Variants in DNAH11 observed in about 807,000 individuals in gnomAD.
DNAH11 encodes the protein dynein axonemal heavy chain 11.
DNAH11 carries 442 observed loss-of-function variants against 526.0 expected under a neutral mutation model. The ratio of observed to expected loss-of-function variants is 0.84; its 90% CI spans 0.78 to 0.91. The LOEUF (loss-of-function observed/expected upper bound fraction) is 0.91. Among genes scored for constraint, DNAH11 ranks in the 40% least tolerant of loss-of-function variants. The pLI is 0.00. For synonymous variants in DNAH11, 2,461 were observed against 1,935.9 expected (o/e 1.27, Z -7.12); for missense variants, 6,989 against 5,448.7 (o/e 1.28, Z -8.90).
chr7:21,560,714 T>A (rs750418594), intron 4 of DNAH11, among the ~76,000 whole-genome samples: 1 of 152,114 alleles, frequency 6.6e-6, no homozygotes, highest in African/African-American at 2.4e-5. Context: ...TGAGGGTGAG[T>A]CTGCCTCTCC....
chr7:21,700,973 G>A (rs942066454), intron 36 of DNAH11, among the ~76,000 whole-genome samples: 2 of 152,130 alleles, frequency 1.3e-5, no homozygotes, highest in Admixed American at 1.3e-4. Context: ...TGGAGGGCTA[G>A]GGGAGGGATA....
chr7:21,628,918 C>A (rs181660536), intron 25 of DNAH11, among the ~76,000 whole-genome samples: 182 of 152,116 alleles, frequency 1.2e-3, no homozygotes, highest in Non-Finnish European at 2.0e-3. Flanking sequence ...CAGCTCTCAT[C>A]CTTGTTATTC....
intron 70 of DNAH11, among the ~76,000 whole-genome samples, 184 bp downstream of exon 70, chr7:21,864,841 A>G (rs1583788175): frequency 6.6e-6 from 1 of 152,232 alleles, no homozygotes; most frequent in Non-Finnish European, 1.5e-5. Flanking sequence ...TTTCTCATTT[A>G]GATGTAAAGG....
At position 21,681,759 on chromosome 7, in the gene DNAH11, C is replaced by T. The variant is rs765451751; in HGVS notation, c.5460+82C>T. ...ATTGCCAGAGTAGTTCCAAGAAAGT[C>T]GTTGTTTTTTTGAAAGTTTGTATGT... On this transcript the variant is annotated intron_variant, in intron 31 of 81. Coordinates refer to ENST00000409508, the MANE Select transcript of DNAH11 (RefSeq NM_001277115.2). 4.5e-6 allele frequency: 7 copies of T among 1,557,650 alleles called. No homozygotes were observed. In the Admixed American group the frequency reaches 6.7e-5, roughly 15 times the overall value.
Position 21,901,044 on chromosome 7 carries a change from AGCCCGTCTCAAGGAGCTGGCAT to A in DNAH11, c.13346_13367del (p.Arg4449LeufsTer30), listed in dbSNP as rs1257886811. 1.2e-6 allele frequency: 2 copies of A among 1,612,692 alleles called. No homozygotes were observed. The highest frequency in any genetic ancestry group is 1.7e-6 in the Non-Finnish European group (2 of 1,179,282). On this transcript the variant is annotated frameshift_variant, in exon 82 of 82. Transcript: ENST00000409508. LOFTEE classifies it high-confidence loss of function. ...ACACCCAAGCAGGAACCATTGTTGA[AGCCCGTCTCAAGGAGCTGGCAT>A]GCCCTATGCCGGTCATCTTTGCAAA...
chr7:21,601,234 C>T, intron 17 of DNAH11, 55 bp downstream of exon 17: 2 of 1,537,562 alleles, frequency 1.3e-6, no homozygotes, highest in South Asian at 2.5e-5. Flanking sequence ...CTTTCTAAAA[C>T]TGAGATGTTA....
At chr7:21,799,330 T>A (rs1364622407) in intron 61 of DNAH11, among the ~76,000 whole-genome samples, 1 of 151,992 alleles carries the variant, frequency 6.6e-6, no homozygotes, top group Non-Finnish European at 1.5e-5. Context: ...TATTTTTACT[T>A]CAATCTTATT....
At chr7:21,606,360 A>G in intron 18 of DNAH11, 66 bp from the exon 19 acceptor site, 1 of 1,263,970 alleles carries the variant, frequency 7.9e-7, no homozygotes, top group Non-Finnish European at 1.1e-6. Flanking sequence ...AGAGTCATTT[A>G]ATCCTATAGG....
chr7:21,620,204 A>T (rs1785979335), intron 25 of DNAH11, 126 bp downstream of exon 25: 1 of 857,196 alleles, frequency 1.2e-6, no homozygotes, highest in Non-Finnish European at 1.7e-6. Flanking sequence ...AATCAGGCTA[A>T]CCGTCATCTC....
intron 73 of DNAH11, among the ~76,000 whole-genome samples, chr7:21,870,254 C>A (rs1270963440): frequency 6.6e-6 from 1 of 152,138 alleles, no homozygotes; most frequent in East Asian, 1.9e-4. Flanking sequence ...ACAGCGTTGG[C>A]CTCCCTTAGT....
intron 28 of DNAH11, among the ~76,000 whole-genome samples, chr7:21,654,680 C>T (rs1781934382): frequency 6.6e-6 from 1 of 152,128 alleles, no homozygotes; most frequent in Non-Finnish European, 1.5e-5. Flanking sequence ...CACTTAGCGG[C>T]TTTTATTTGC....
At chr7:21,835,427 A>C (rs1781957259) in intron 65 of DNAH11, among the ~76,000 whole-genome samples, 1 of 152,140 alleles carries the variant, frequency 6.6e-6, no homozygotes, top group South Asian at 2.1e-4. Context: ...GACCAAGTGG[A>C]ATTTATTCCA....
rs78284738 is a variant in DNAH11 at position 21,823,610 on chromosome 7, C to T, written c.10691+5271C>T. Among the ~76,000 whole-genome samples, 475 of 152,036 alleles carry T rather than the reference C, an allele frequency of 3.1e-3. 1 individual carries two copies. Among genetic ancestry groups the T allele is most frequent in the African/African-American group, 0.011 (465 of 41,470 alleles). On this transcript the variant is annotated intron_variant, in intron 65 of 81. Coordinates refer to ENST00000409508, the MANE Select transcript of DNAH11 (RefSeq NM_001277115.2). ...CTTACAATATGCTTAATTTTTTTCA[C>T]TCATACATAACTTTGATTATAATAA...
chr7:21,602,896 A>G lies in DNAH11; in HGVS notation c.3648+1278A>G, dbSNP rs145954838. ...TTTTTTTATTGAGGTGAAATGTACT[A>G]TTCGGATAACATATAAAAGTAACCA... On this transcript the variant is annotated intron_variant, in intron 18 of 81. Coordinates refer to ENST00000409508, the MANE Select transcript of DNAH11 (RefSeq NM_001277115.2). 2.5e-3 allele frequency among the ~76,000 whole-genome samples: 381 copies of G among 152,222 alleles called. 1 individual carries two copies. The highest frequency in any genetic ancestry group is 8.8e-3 in the African/African-American group (367 of 41,524).
intron 55 of DNAH11, among the ~76,000 whole-genome samples, chr7:21,769,673 C>T (rs1383135262): frequency 1.3e-5 from 2 of 151,934 alleles, no homozygotes; most frequent in African/African-American, 4.8e-5. Context: ...TTAGTAGAGA[C>T]AGGGTTTCAC....
chr7:21,819,540 C>T (rs903879119), intron 65 of DNAH11, among the ~76,000 whole-genome samples: 1 of 152,170 alleles, frequency 6.6e-6, no homozygotes, highest in Non-Finnish European at 1.5e-5. Flanking sequence ...TCTTGAATGT[C>T]ACTGAAGTGA....
Position 21,735,814 on chromosome 7 carries a change from A to T in DNAH11, c.7615A>T (p.Asn2539Tyr). 1 of 1,613,490 alleles carries T rather than the reference A, an allele frequency of 6.2e-7. No homozygotes were observed. Among genetic ancestry groups the T allele is most frequent in the Non-Finnish European group, 8.5e-7 (1 of 1,179,588 alleles). The change falls in exon 46 of 82, where the codon AAC becomes TAC. Residue 2539 changes from asparagine (N) to tyrosine (Y), a missense_variant. Physicochemically the swap from Asn to Tyr is moderately radical, Grantham distance 143. Coordinates refer to ENST00000409508, the MANE Select transcript of DNAH11 (RefSeq NM_001277115.2). Reference protein sequence around the residue: ...EDYIVSRVPFNYYTTSTALQK... With the variant: ...EDYIVSRVPFYYYTTSTALQK... ...TTACATAGTATCCCGTGTGCCTTTCAACTACTACACGACATCCACAGCTCT... is the reference window on the plus strand; with the variant it reads ...TTACATAGTATCCCGTGTGCCTTTCTACTACTACACGACATCCACAGCTCT...
intron 30 of DNAH11, among the ~76,000 whole-genome samples, chr7:21,674,477 C>T (rs1782782857): frequency 6.6e-6 from 1 of 152,184 alleles, no homozygotes; most frequent in Non-Finnish European, 1.5e-5. Flanking sequence ...TCCCATGCCT[C>T]AGCCTCCCAA....
At chr7:21,743,811 C>T (rs746634961) in intron 49 of DNAH11, among the ~76,000 whole-genome samples, 8 of 152,200 alleles carry the variant, frequency 5.3e-5, no homozygotes, top group Non-Finnish European at 1.2e-4. Context: ...CTGCACCTGA[C>T]ACTACCAAAT....
Sources: allele counts gnomAD v4.1 joint callset (sites outside exome capture counted in the v4.1 genomes callset), GRCh38; gene constraint gnomAD v4.1.1; transcripts MANE v1.5; gene names NCBI Gene and HGNC (gene_info 2026-07-23, HGNC 2026-07-21).